The following CDH12 variants were observed in gnomAD, a reference collection of about 807,000 sequenced individuals.
CDH12 encodes the protein cadherin 12, also known as cadherin-12.
In CDH12, 41 loss-of-function variants were observed where a neutral mutation model predicts 74.1. That is an observed-to-expected ratio of 0.55 (90% CI 0.43 to 0.72). The LOEUF (loss-of-function observed/expected upper bound fraction) is 0.72, where lower values mean the gene tolerates loss of function less well. Among genes scored for constraint, CDH12 ranks in the 30% least tolerant of loss-of-function variants. CDH12 has a pLI of 0.00. For missense variants in CDH12, 945 were observed against 977.2 expected (o/e 0.97, Z 0.44); for synonymous variants, 399 against 355.0 (o/e 1.12, Z -1.39).
chr5:22,214,643 A>G (rs1250455703), intron 3 of CDH12, among the ~76,000 whole-genome samples: 1 of 152,148 alleles, frequency 6.6e-6, no homozygotes, highest in African/African-American at 2.4e-5. Context: ...TAAATCGTGA[A>G]CTATTTTTAA....
At chr5:22,715,514 G>A (rs964087638) in intron 1 of CDH12, among the ~76,000 whole-genome samples, 1 of 152,108 alleles carries the variant, frequency 6.6e-6, no homozygotes, top group African/African-American at 2.4e-5. Flanking sequence ...CCTGTCTCAG[G>A]GTTCAAAATG....
intron 5 of CDH12, among the ~76,000 whole-genome samples, chr5:22,013,113 CTG>C (rs774411197): frequency 2.6e-5 from 4 of 152,128 alleles, no homozygotes. Context: ...CTGCCAGAGA[CTG>C]TGTAATTCAT....
chr5:21,924,543 T>A (rs76913518), intron 6 of CDH12, among the ~76,000 whole-genome samples: 5,654 of 21,188 alleles, frequency 0.27, 319 homozygotes, highest in East Asian at 0.38. Flanking sequence ...AATACATAAA[T>A]AAATAAATAA....
chr5:22,522,406 G>T (rs1737091747), intron 1 of CDH12, among the ~76,000 whole-genome samples: 1 of 152,152 alleles, frequency 6.6e-6, no homozygotes, highest in African/African-American at 2.4e-5. Flanking sequence ...TGTGTACATT[G>T]TCTACTATTG....
In CDH12 at chr5:21,927,647, T is replaced by A. The variant is rs564236590; in HGVS notation, c.526+47444A>T. On this transcript the variant is annotated intron_variant, in intron 6 of 14. Transcript: ENST00000382254. ...TAAATTCATAATAGTGTTTAGTGTGTGGGGGAAGGAGTAAATTATTAAATT... is the reference window on the plus strand; with the variant it reads ...TAAATTCATAATAGTGTTTAGTGTGAGGGGGAAGGAGTAAATTATTAAATT... Among the ~76,000 whole-genome samples, 9 of 151,860 alleles carry A rather than the reference T, an allele frequency of 5.9e-5. No individual in the cohort carries two copies. The East Asian group carries it at 1.4e-3, about 23-fold the overall frequency.
chr5:21,823,167 A>G (rs1748466752), intron 8 of CDH12, among the ~76,000 whole-genome samples: 1 of 152,124 alleles, frequency 6.6e-6, no homozygotes, highest in Admixed American at 6.6e-5. Context: ...ACAATCACAC[A>G]AAAAAGTAAA....
intron 1 of CDH12, among the ~76,000 whole-genome samples, chr5:22,623,424 C>T (rs960222150): frequency 6.6e-6 from 1 of 152,178 alleles, no homozygotes; most frequent in African/African-American, 2.4e-5. Context: ...CCCACAGTCT[C>T]AACCCAAAAT....
At chr5:22,353,328 CT>C (rs1740431321) in intron 3 of CDH12, among the ~76,000 whole-genome samples, 1 of 152,164 alleles carries the variant, frequency 6.6e-6, no homozygotes, top group Non-Finnish European at 1.5e-5. Context: ...CCACTAATAT[CT>C]GCTCAAAGAC....
intron 2 of CDH12, among the ~76,000 whole-genome samples, chr5:22,442,225 T>C (rs1211773478): frequency 1.3e-5 from 2 of 152,204 alleles, no homozygotes; most frequent in African/African-American, 4.8e-5. Context: ...AAACTTTAAT[T>C]GCTTAGTTTA....
intron 3 of CDH12, among the ~76,000 whole-genome samples, chr5:22,261,277 C>A (rs1753501938): frequency 6.6e-6 from 1 of 151,702 alleles, no homozygotes; most frequent in African/African-American, 2.4e-5. Context: ...ATAAATATAG[C>A]AAAGATTGCT....
intron 6 of CDH12, among the ~76,000 whole-genome samples, chr5:21,924,185 G>C (rs1398142052): frequency 1.3e-5 from 2 of 152,166 alleles, no homozygotes; most frequent in African/African-American, 4.8e-5. Context: ...AATTGTGAGA[G>C]AAACAGCAAG....
intron 3 of CDH12, among the ~76,000 whole-genome samples, chr5:22,384,927 C>A (rs1353730215): frequency 6.6e-6 from 1 of 152,048 alleles, no homozygotes; most frequent in Non-Finnish European, 1.5e-5. Context: ...TCTCTAGGGT[C>A]CATGTGTTGT....
At chr5:21,910,458 A>G (rs1753815196) in intron 6 of CDH12, among the ~76,000 whole-genome samples, 1 of 152,126 alleles carries the variant, frequency 6.6e-6, no homozygotes, top group African/African-American at 2.4e-5. Context: ...TGTAAAAGAA[A>G]GAAACTGTCC....
intron 1 of CDH12, among the ~76,000 whole-genome samples, chr5:22,640,040 G>C (rs1299471209): frequency 6.6e-6 from 1 of 152,074 alleles, no homozygotes; most frequent in South Asian, 2.1e-4. Context: ...GAGAGGAGCA[G>C]AGAGAAAAAA....
At position 22,795,594 on chromosome 5, in the gene CDH12, T is replaced by TAC. The variant is rs575398862; in HGVS notation, c.-523+57462_-523+57463dup. On this transcript the variant is annotated intron_variant, in intron 1 of 14. Transcript: ENST00000382254. ...ATATATAATATATACATATATATTA[T>TAC]ACACACACACACACAAACACACATC... Among the ~76,000 whole-genome samples the TAC allele has an allele frequency of 1.6e-4, 24 of 149,860 alleles. 1 individual carries two copies. Among genetic ancestry groups the TAC allele is most frequent in the East Asian group, 4.0e-4 (2 of 5,024 alleles).
intron 1 of CDH12, among the ~76,000 whole-genome samples, chr5:22,512,591 T>C (rs749038510): frequency 7.9e-5 from 12 of 152,192 alleles, no homozygotes; most frequent in African/African-American, 1.2e-4. Context: ...TTATCAATAG[T>C]GGGGTAACAG....
intron 4 of CDH12, among the ~76,000 whole-genome samples, chr5:22,147,607 G>A (rs567064018): frequency 2.7e-5 from 4 of 147,760 alleles, no homozygotes; most frequent in Non-Finnish European, 4.5e-5. Flanking sequence ...AAAAAAAAGA[G>A]GTTTAATGGA....
chr5:21,863,314 T>C (rs1271581114), intron 6 of CDH12, among the ~76,000 whole-genome samples: 2 of 152,118 alleles, frequency 1.3e-5, no homozygotes, highest in Non-Finnish European at 2.9e-5. Flanking sequence ...TCCAGGTCCA[T>C]GTCACTTGTG....
chr5:22,348,337 A>C (rs1740213460), intron 3 of CDH12, among the ~76,000 whole-genome samples: 1 of 152,218 alleles, frequency 6.6e-6, no homozygotes, highest in South Asian at 2.1e-4. Flanking sequence ...GTTTCCTGAA[A>C]TCGTGTATCC....
Sources: gnomAD v4.1 joint callset for allele counts (sites outside exome capture counted in the v4.1 genomes callset) on GRCh38, gnomAD v4.1.1 for gene constraint, MANE v1.5 for transcripts, NCBI Gene and HGNC (gene_info 2026-07-23, HGNC 2026-07-21) for gene names.